JAZF1: variants seen among roughly 807,000 people sequenced by gnomAD.
The protein encoded by JAZF1 is juxtaposed with another zinc finger protein 1.
A neutral mutation model predicts 26.4 loss-of-function variants in JAZF1; 8 were observed. The ratio of observed to expected loss-of-function variants is 0.30; its 90% confidence interval spans 0.18 to 0.55. The LOEUF is 0.55. Ranked by LOEUF, JAZF1 falls within the 20% of genes least tolerant of loss-of-function variation. JAZF1 has a pLI of 0.94. For synonymous variants in JAZF1, 126 were observed against 122.3 expected (o/e 1.03, Z -0.20); for missense variants, 199 against 322.0 (o/e 0.62, Z 2.92).
intron 1 of JAZF1, among the ~76,000 whole-genome samples, chr7:28,179,580 G>A (rs1783602112): frequency 6.6e-6 from 1 of 151,374 alleles, no homozygotes; most frequent in African/African-American, 2.4e-5. Context: ...TCTCTCCAGC[G>A]GGCGCCGCCG....
chr7:27,935,926 G>A (rs1289274872), intron 2 of JAZF1, among the ~76,000 whole-genome samples: 14 of 152,154 alleles, frequency 9.2e-5, no homozygotes, highest in Admixed American at 8.5e-4. Context: ...TCCATGCAGG[G>A]CCAGGACTAG....
chr7:27,862,712 G>C (rs566055552), intron 3 of JAZF1, among the ~76,000 whole-genome samples: 4 of 152,120 alleles, frequency 2.6e-5, no homozygotes, highest in Non-Finnish European at 4.4e-5. Flanking sequence ...TCCACTTGCT[G>C]TCCAGCTTCC....
intron 1 of JAZF1, among the ~76,000 whole-genome samples, chr7:28,123,487 T>C (rs975745686): frequency 4.6e-5 from 7 of 152,230 alleles, no homozygotes; most frequent in African/African-American, 7.2e-5. Flanking sequence ...TAGTCTATCA[T>C]TGCAACCCCA....
At chr7:28,165,150 C>T (rs1211700735) in intron 1 of JAZF1, among the ~76,000 whole-genome samples, 1 of 152,136 alleles carries the variant, frequency 6.6e-6, no homozygotes, top group African/African-American at 2.4e-5. Flanking sequence ...GCCTGGGTGA[C>T]AGAGTGACAC....
chr7:27,987,997 G>T (rs187167655), intron 2 of JAZF1, among the ~76,000 whole-genome samples: 1 of 151,954 alleles, frequency 6.6e-6, no homozygotes, highest in Non-Finnish European at 1.5e-5. Context: ...CAGCATGCTC[G>T]TTAAGAGTCA....
chr7:28,111,526 T>C (rs942024109), intron 1 of JAZF1, among the ~76,000 whole-genome samples: 5 of 152,114 alleles, frequency 3.3e-5, no homozygotes, highest in African/African-American at 4.8e-5. Context: ...TTCTATCACA[T>C]GATAGCTATG....
chr7:27,833,408 T>C (rs1457087985), intron 4 of JAZF1, among the ~76,000 whole-genome samples: 1 of 152,198 alleles, frequency 6.6e-6, no homozygotes, highest in Non-Finnish European at 1.5e-5. Flanking sequence ...AAGTTTAACA[T>C]ATAGAAATTT....
intron 3 of JAZF1, among the ~76,000 whole-genome samples, chr7:27,891,743 C>G (rs1783979714): frequency 6.6e-6 from 1 of 152,094 alleles, no homozygotes; most frequent in Non-Finnish European, 1.5e-5. Context: ...GTGAGCTACA[C>G]AGGAGGCTGA....
intron 1 of JAZF1, among the ~76,000 whole-genome samples, chr7:28,170,335 ATATGTGTGTGTGTGTGTGTGTGTG>A (rs1351066897): frequency 0.027 from 3,791 of 140,054 alleles, 70 homozygotes; most frequent in Non-Finnish European, 0.033. Context: ...AGAGAAGTTG[ATATGTGTGTGTGTGTGTGTGTGTG>A]TGTGTGTGTG....
chr7:28,065,543 C>T (rs1783867493), intron 1 of JAZF1, among the ~76,000 whole-genome samples: 1 of 152,306 alleles, frequency 6.6e-6, no homozygotes, highest in South Asian at 2.1e-4. Context: ...TGTCACGATC[C>T]TATCCCAACA....
chr7:28,070,484 T>C (rs368669084), intron 1 of JAZF1, among the ~76,000 whole-genome samples: 2 of 152,352 alleles, frequency 1.3e-5, no homozygotes, highest in South Asian at 2.1e-4. Context: ...TTAAAACTAT[T>C]TGGACCCTCC....
chr7:28,147,797 G>T (rs530597488), intron 1 of JAZF1, among the ~76,000 whole-genome samples: 1 of 151,690 alleles, frequency 6.6e-6, no homozygotes, highest in Non-Finnish European at 1.5e-5. Context: ...GGGGGAGGGG[G>T]GACAGGGAGG....
At chr7:28,149,251 T>C (rs1371458547) in intron 1 of JAZF1, among the ~76,000 whole-genome samples, 2 of 152,206 alleles carry the variant, frequency 1.3e-5, no homozygotes, top group Non-Finnish European at 2.9e-5. Context: ...ATATCCCCTT[T>C]CTTGCTCTGT....
intron 1 of JAZF1, chr7:28,020,580 A>G (rs966103614): frequency 4.2e-6 from 2 of 471,232 alleles, no homozygotes; most frequent in Non-Finnish European, 8.8e-6. Flanking sequence ...ATGGACATGC[A>G]TATTCGTACA....
At chr7:27,879,292 G>C (rs538924131) in intron 3 of JAZF1, among the ~76,000 whole-genome samples, 1 of 152,214 alleles carries the variant, frequency 6.6e-6, no homozygotes, top group Admixed American at 6.5e-5. Context: ...CCTGTTGTTT[G>C]ACATTTAGCT....
chr7:28,138,205 A>G (rs1176797911), intron 1 of JAZF1, among the ~76,000 whole-genome samples: 2 of 152,366 alleles, frequency 1.3e-5, no homozygotes, highest in Non-Finnish European at 2.9e-5. Flanking sequence ...TAAAAAGCAC[A>G]TATTTTCAAA....
chr7:28,177,504 T>A (rs1415213904), intron 1 of JAZF1, among the ~76,000 whole-genome samples: 2 of 152,176 alleles, frequency 1.3e-5, no homozygotes, highest in Admixed American at 1.3e-4. Context: ...CCCATAAATA[T>A]TCATTTTATC....
chr7:28,021,052 G>A (rs1189954932), intron 1 of JAZF1, among the ~76,000 whole-genome samples: 1 of 152,196 alleles, frequency 6.6e-6, no homozygotes, highest in African/African-American at 2.4e-5. Flanking sequence ...CTGAGTGCCT[G>A]CTGCATTCAA....
intron 1 of JAZF1, among the ~76,000 whole-genome samples, chr7:28,074,673 C>T (rs1583545962): frequency 6.6e-6 from 1 of 152,212 alleles, no homozygotes; most frequent in African/African-American, 2.4e-5. Flanking sequence ...TATAAAAATA[C>T]TTTTATAATT....
Sources: allele counts gnomAD v4.1 joint callset (sites outside exome capture counted in the v4.1 genomes callset), GRCh38; gene constraint gnomAD v4.1.1; transcripts MANE v1.5; gene names NCBI Gene and HGNC (gene_info 2026-07-23, HGNC 2026-07-21).